The following AGAP1 variants were observed in gnomAD, a reference collection of about 807,000 sequenced individuals.
AGAP1 encodes arf-GAP with GTPase, ANK repeat and PH domain-containing protein 1.
AGAP1 carries 29 observed loss-of-function variants against 105.3 expected under a neutral mutation model. The ratio of observed to expected loss-of-function variants is 0.28; its 90% CI spans 0.21 to 0.38. AGAP1 has a LOEUF of 0.38. AGAP1 is among the 10% of genes least tolerant of loss of function. The probability of loss-of-function intolerance (pLI) is 1.00; values close to 1 mark genes in which losing one functional copy is unlikely to be tolerated. For synonymous variants in AGAP1, 509 were observed against 485.9 expected (o/e 1.05, Z -0.63); for missense variants, 998 against 1,165.1 (o/e 0.86, Z 2.09).
Position 235,744,946 on chromosome 2 carries a change from G to A in AGAP1, c.538+107G>A. 7.4e-7 allele frequency: 1 copy of A among 1,351,752 alleles called. No homozygotes were observed. Among genetic ancestry groups the A allele is most frequent in the Non-Finnish European group, 1.0e-6 (1 of 999,714 alleles). 83.7% of individuals were successfully genotyped at this position (1,351,752 alleles called of 1,614,324 possible). On this transcript the variant is annotated intron_variant, in intron 5 of 17. Transcript: ENST00000304032. The surrounding 1 kb of genome is among the most constrained non-coding windows in gnomAD (Gnocchi z 5.2). The stretch of plus-strand genomic sequence containing the variant: ...TTTAAAGAAGGAAAAATTGCCTACT[G>A]AACGCTCACTTTTTTGGGAAAAATT...
chr2:235,840,269 A>G (rs977047236), intron 9 of AGAP1, among the ~76,000 whole-genome samples: 2 of 152,060 alleles, frequency 1.3e-5, no homozygotes. Context: ...GTCCATTCTG[A>G]TGGCTTCAGC....
chr2:235,719,626 C>A lies in AGAP1; in HGVS notation c.310+1982C>A, dbSNP rs3768966. On this transcript the variant is annotated intron_variant, in intron 3 of 17. Coordinates refer to ENST00000304032, the MANE Select transcript of AGAP1 (RefSeq NM_001037131.3). The surrounding 1 kb of genome is among the most constrained non-coding windows in gnomAD (Gnocchi z 4.9). ...TAAGAGTAGGAGCGTGGGTGAGTAC[C>A]TTCCTTTCTTCATCTGCAAAGTGGA... Among the ~76,000 whole-genome samples, 354 of 152,302 alleles carry A rather than the reference C, an allele frequency of 2.3e-3. 4 individuals carry two copies. The highest frequency in any genetic ancestry group is 0.02 in the East Asian group (104 of 5,184).
intron 9 of AGAP1, among the ~76,000 whole-genome samples, chr2:235,833,416 C>G (rs1317281242): frequency 6.6e-6 from 1 of 152,138 alleles, no homozygotes; most frequent in African/African-American, 2.4e-5. Context: ...TGCCAGTACT[C>G]CAGGATGAAA....
rs948358990 is a variant in AGAP1, at chr2:235,764,315, A to G, written c.673+13827A>G. ...CTACCCTTCATTTTCATGCACAGAAACCGATTTTCAGGGAAGAGCTGTGGC... is the reference window on the plus strand; with the variant it reads ...CTACCCTTCATTTTCATGCACAGAAGCCGATTTTCAGGGAAGAGCTGTGGC... On this transcript the variant is annotated intron_variant, in intron 6 of 17. Coordinates refer to ENST00000304032, the MANE Select transcript of AGAP1 (RefSeq NM_001037131.3). 2.0e-5 allele frequency among the ~76,000 whole-genome samples: 3 copies of G among 152,066 alleles called. No homozygotes were observed. The East Asian group carries it at 5.8e-4, about 29-fold the overall frequency.
rs1374438310 is a variant in AGAP1, at chr2:235,559,189, A to C, written c.163+64340A>C. Among the ~76,000 whole-genome samples the C allele has an allele frequency of 6.6e-6, 1 of 152,198 alleles. No individual in the cohort carries two copies. The highest frequency in any genetic ancestry group is 6.5e-5 in the Admixed American group (1 of 15,276). ...TGATCCTCGCACCTCAGCTTCCCAAAGTGCTGGGATTATAGGCCTGAGCTG... is the reference window on the plus strand; with the variant it reads ...TGATCCTCGCACCTCAGCTTCCCAACGTGCTGGGATTATAGGCCTGAGCTG... On this transcript the variant is annotated intron_variant, in intron 1 of 17. Coordinates refer to ENST00000304032, the MANE Select transcript of AGAP1 (RefSeq NM_001037131.3). This position sits in a 1 kb window ranked among gnomAD's most constrained non-coding sequence, Gnocchi z 5.7.
intron 13 of AGAP1, among the ~76,000 whole-genome samples, chr2:236,033,844 G>A (rs1040115224): frequency 3.9e-5 from 6 of 152,224 alleles, no homozygotes; most frequent in African/African-American, 1.4e-4. Flanking sequence ...CTTTACAGGG[G>A]ACCAGTTGTG....
chr2:235,979,004 T>G lies in AGAP1; in HGVS notation c.1645+10381T>G, dbSNP rs2054975879. Among the ~76,000 whole-genome samples, 1 of 152,236 alleles carries G rather than the reference T, an allele frequency of 6.6e-6. No homozygotes were observed. Among genetic ancestry groups the G allele is most frequent in the Admixed American group, 6.5e-5 (1 of 15,284 alleles). ...GCTCTGTTATAAGGGGACATCTCTCTTGAAATTTTTTTGGACTTACGGACA... is the reference window on the plus strand; with the variant it reads ...GCTCTGTTATAAGGGGACATCTCTCGTGAAATTTTTTTGGACTTACGGACA... On this transcript the variant is annotated intron_variant, in intron 13 of 17. Coordinates refer to ENST00000304032, the MANE Select transcript of AGAP1 (RefSeq NM_001037131.3). This position sits in a 1 kb window ranked among gnomAD's most constrained non-coding sequence, Gnocchi z 4.5.
intron 1 of AGAP1, among the ~76,000 whole-genome samples, chr2:235,536,819 A>C (rs1406847415): frequency 6.6e-6 from 1 of 152,158 alleles, no homozygotes; most frequent in African/African-American, 2.4e-5. Flanking sequence ...CAGTGTTTTT[A>C]ATCTCTGTGG....
chr2:235,998,931 A>G (rs905035580), intron 13 of AGAP1, among the ~76,000 whole-genome samples: 3 of 149,090 alleles, frequency 2.0e-5, no homozygotes, highest in Non-Finnish European at 3.0e-5. Flanking sequence ...ATGATGATCA[A>G]TATGGTATGG....
At chr2:235,968,816 A>G (rs751218578) in intron 13 of AGAP1, among the ~76,000 whole-genome samples, 193 bp downstream of exon 13, 1 of 152,070 alleles carries the variant, frequency 6.6e-6, no homozygotes, top group Non-Finnish European at 1.5e-5. Context: ...TTCTCATATT[A>G]CGCAACCAAA....
intron 1 of AGAP1, among the ~76,000 whole-genome samples, chr2:235,594,395 G>C (rs1366422739): frequency 6.6e-6 from 1 of 151,924 alleles, no homozygotes; most frequent in Non-Finnish European, 1.5e-5. Context: ...TCTTCCTTGA[G>C]AGGAGGAATA....
In AGAP1 at chr2:236,123,821, A is replaced by C. The variant is rs544572138; in HGVS notation, c.2371-98A>C. On this transcript the variant is annotated intron_variant, in intron 17 of 17. Coordinates refer to ENST00000304032, the MANE Select transcript of AGAP1 (RefSeq NM_001037131.3). This position sits in a 1 kb window ranked among gnomAD's most constrained non-coding sequence, Gnocchi z 4.6. ...AGTTGTGTAGCTGGCCCCGCTGTCC[A>C]AGCACAAGCCACATGCAAGGGCTGA... 1.0e-3 allele frequency: 1,526 copies of C among 1,473,752 alleles called. 18 individuals carry two copies. In the African/African-American group the frequency reaches 0.02, roughly 19 times the overall value. 91.3% of individuals were successfully genotyped at this position (1,473,752 alleles called of 1,614,324 possible).
At chr2:235,536,627 T>TCACACACA (rs370173877) in intron 1 of AGAP1, among the ~76,000 whole-genome samples, 200 of 108,310 alleles carry the variant, frequency 1.8e-3, no homozygotes, top group Non-Finnish European at 2.1e-3. Context: ...GTCGCATCCT[T>TCACACACA]CACACACACA....
At chr2:235,749,961 A>C (rs1953294609) in intron 5 of AGAP1, among the ~76,000 whole-genome samples, 1 of 152,210 alleles carries the variant, frequency 6.6e-6, no homozygotes, top group South Asian at 2.1e-4. Context: ...AAGTGACCAC[A>C]CCTAGAAGAA....
rs200107062 is a variant in AGAP1 at position 235,821,382 on chromosome 2, A to ATTTTTTTTT, written c.1050+14062_1050+14070dup. Reference sequence around the variant, plus strand: ...GGGGTAGGTTTAAAGCAGAACTTCAATTTTTTTTTTTTTTTTTTTGAGACG... The same window carrying ATTTTTTTTT: ...GGGGTAGGTTTAAAGCAGAACTTCAATTTTTTTTTTTTTTTTTTTTTTTTTTTTGAGACG... On this transcript the variant is annotated intron_variant, in intron 9 of 17. Coordinates refer to ENST00000304032, the MANE Select transcript of AGAP1 (RefSeq NM_001037131.3). Among the ~76,000 whole-genome samples the ATTTTTTTTT allele has an allele frequency of 2.4e-3, 324 of 133,762 alleles. 4 individuals carry two copies. The highest frequency in any genetic ancestry group is 8.6e-3 in the African/African-American group (306 of 35,690). The allele number at this position is 133,762 out of a possible 152,430, so 87.8% of individuals were successfully genotyped here.
At position 235,517,542 on chromosome 2, in the gene AGAP1, A is replaced by C. The variant is rs1185195266; in HGVS notation, c.163+22693A>C. Among the ~76,000 whole-genome samples the C allele has an allele frequency of 1.3e-5, 2 of 152,182 alleles. No homozygotes were observed. Among genetic ancestry groups the C allele is most frequent in the Admixed American group, 1.3e-4 (2 of 15,284 alleles). On this transcript the variant is annotated intron_variant, in intron 1 of 17. Coordinates refer to ENST00000304032, the MANE Select transcript of AGAP1 (RefSeq NM_001037131.3). The surrounding 1 kb of genome is among the most constrained non-coding windows in gnomAD (Gnocchi z 4.1). Reference sequence around the variant, plus strand: ...AGAAGTAGCAGCCATGAGGCAGGAGATCCTCTTTACTTTGTAAAAAAATGT... The same window carrying C: ...AGAAGTAGCAGCCATGAGGCAGGAGCTCCTCTTTACTTTGTAAAAAAATGT...
chr2:235,762,188 C>G (rs927492504), intron 6 of AGAP1, among the ~76,000 whole-genome samples: 1 of 151,774 alleles, frequency 6.6e-6, no homozygotes, highest in Non-Finnish European at 1.5e-5. Flanking sequence ...CTTCACTCAT[C>G]GAGGAGCTAC....
chr2:236,028,363 T>C (rs2057119924), intron 13 of AGAP1, among the ~76,000 whole-genome samples: 2 of 152,224 alleles, frequency 1.3e-5, no homozygotes, highest in African/African-American at 2.4e-5. Context: ...GCCTTCTCTT[T>C]GCCACCTCTT....
At chr2:236,047,470 T>A (rs990623491) in intron 15 of AGAP1, among the ~76,000 whole-genome samples, 1 of 151,870 alleles carries the variant, frequency 6.6e-6, no homozygotes, top group Non-Finnish European at 1.5e-5. Context: ...TGGTTCTGAC[T>A]GCGCTTTTCA....
Sources: gnomAD v4.1 joint callset for allele counts (sites outside exome capture counted in the v4.1 genomes callset) on GRCh38, gnomAD v4.1.1 for gene constraint, Gnocchi (gnomAD v3.1) non-coding constraint, MANE v1.5 for transcripts, NCBI Gene and HGNC (gene_info 2026-07-23, HGNC 2026-07-21) for gene names.